The following ZNF23 variants were observed in gnomAD, a reference collection of about 807,000 sequenced individuals.
ZNF23 encodes zinc finger protein 23, also known as kruppel-like zinc finger factor X31.
A neutral mutation model predicts 56.2 loss-of-function variants in ZNF23; 48 were observed. The ratio of observed to expected loss-of-function variants is 0.85; its 90% CI spans 0.68 to 1.09. The LOEUF is 1.09. ZNF23 is among the 50% of genes least tolerant of loss of function. ZNF23 has a pLI of 0.00. For synonymous variants in ZNF23, 266 were observed against 283.3 expected (o/e 0.94, Z 0.61); for missense variants, 805 against 811.4 (o/e 0.99, Z 0.10).
rs1179397770 is a variant in ZNF23 at position 71,448,162 on chromosome 16, A to C, written c.1992T>G (p.Cys664Trp). The change falls in exon 5 of 5, where the codon TGT (cysteine) becomes TGG (tryptophan). Residue 664 changes from cysteine to tryptophan, a missense_variant. Cys to Trp is a radical substitution (Grantham distance 215). Coordinates refer to ENST00000647773, the MANE Select transcript of ZNF23 (RefSeq NM_001381984.1). ...TWKKPYMCSVCGKAFRFSFQL... is the reference protein window; with the variant it reads ...TWKKPYMCSVWGKAFRFSFQL... ...GGAAGCTAAACCTGAATGCTTTCCC[A>C]CACACACTACACATATAGGGTTTCT... is the stretch of plus-strand genomic sequence containing the variant. 1.3e-5 allele frequency: 21 copies of C among 1,614,028 alleles called. No homozygotes were observed. Among genetic ancestry groups the C allele is most frequent in the Non-Finnish European group, 1.8e-5 (21 of 1,180,004 alleles).
chr16:71,460,686 C>T (rs2043412035), intron 1 of ZNF23, among the ~76,000 whole-genome samples: 1 of 152,090 alleles, frequency 6.6e-6, no homozygotes, highest in Non-Finnish European at 1.5e-5. Flanking sequence ...AGGATTATCC[C>T]ACGAAGATAC....
chr16:71,450,643 C>T (rs756565796), intron 4 of ZNF23: 28 of 428,220 alleles, frequency 6.5e-5, no homozygotes, highest in Admixed American at 3.5e-4. Flanking sequence ...TGCTCGAACC[C>T]GGGAAACGGA....
chr16:71,449,709 T>G lies in ZNF23; in HGVS notation c.445A>C (p.Ile149Leu). The G allele has an allele frequency of 6.2e-7, 1 of 1,613,990 alleles. No individual in the cohort carries two copies. Among genetic ancestry groups the G allele is most frequent in the Non-Finnish European group, 8.5e-7 (1 of 1,180,028 alleles). ...GNIKKEKSNT[I>L]DGTVKDETSP... ...GTCTCATCTTTCACTGTTCCATCAA[T>G]GGTGTTGCTCTTCTCCTTCTTTATA... Residue 149 changes from isoleucine to leucine, a missense_variant, in exon 5 of 5, where the codon ATT becomes CTT. Ile to Leu is a conservative substitution (Grantham distance 5). Transcript: ENST00000647773.
rs766469296 is a variant in ZNF23, at chr16:71,453,294, CCAGCTCACT to C, written c.208_216del (p.Ser70_Leu72del). On this transcript the variant is annotated inframe_deletion, in exon 4 of 5. Coordinates refer to ENST00000647773, the MANE Select transcript of ZNF23 (RefSeq NM_001381984.1). ...CCTGCAGCCAGTGGAGATGAGCCCC[CCAGCTCACT>C]TCCTCCCTCCAGTTGTGAGATCACA... The C allele has an allele frequency of 1.2e-5, 19 of 1,608,972 alleles. No homozygotes were observed. The highest frequency in any genetic ancestry group is 1.6e-5 in the Non-Finnish European group (19 of 1,177,522).
At chr16:71,458,688 T>G (rs1173843022) in intron 1 of ZNF23, among the ~76,000 whole-genome samples, 7 of 152,130 alleles carry the variant, frequency 4.6e-5, no homozygotes, top group Admixed American at 2.0e-4. Context: ...ACGAAACCAC[T>G]CACTCCCCGC....
chr16:71,456,890 C>G (rs898489594), intron 1 of ZNF23, 62 bp from the exon 2 acceptor site: 65 of 662,464 alleles, frequency 9.8e-5, no homozygotes, highest in Non-Finnish European at 1.2e-4. Flanking sequence ...AGCAACATAG[C>G]CCCTCACAGA....
chr16:71,453,261 G>A lies in ZNF23; in HGVS notation c.250C>T (p.Leu84Phe), dbSNP rs1193717794. Residue 84 changes from leucine (L) to phenylalanine (F), a missense_variant, in exon 4 of 5, where the codon CTC (leucine) becomes TTC (phenylalanine). Physicochemically the swap from Leu to Phe is conservative, Grantham distance 22 (BLOSUM62 0). Transcript: ENST00000647773. ...GSSPLAAGTG[L>F]QGLQTVDIQT... ...CCCTTACCAGTCTGGAGGCCCTGGAGGCCTGTTCCTGCAGCCAGTGGAGAT... is the reference window on the plus strand; with the variant it reads ...CCCTTACCAGTCTGGAGGCCCTGGAAGCCTGTTCCTGCAGCCAGTGGAGAT... 1.6e-5 allele frequency: 26 copies of A among 1,608,230 alleles called. No homozygotes were observed. The highest frequency in any genetic ancestry group is 2.1e-5 in the Non-Finnish European group (25 of 1,177,050).
In ZNF23 at chr16:71,447,977, C is replaced by G. The variant is rs1002245636; in HGVS notation, c.*116G>C. ...AAACTGAATAGAATAAAAACTGTTTCCATATGAAGACTCTGCCATATTCAT... is the reference window on the plus strand; with the variant it reads ...AAACTGAATAGAATAAAAACTGTTTGCATATGAAGACTCTGCCATATTCAT... On this transcript the variant is annotated 3_prime_UTR_variant, in exon 5 of 5. Coordinates refer to ENST00000647773, the MANE Select transcript of ZNF23 (RefSeq NM_001381984.1). 3 of 733,414 alleles carry G rather than the reference C, an allele frequency of 4.1e-6. No homozygotes were observed. Among genetic ancestry groups the G allele is most frequent in the Non-Finnish European group, 6.3e-6 (3 of 477,110 alleles). The allele number at this position is 733,414 out of a possible 1,614,324, so 45.4% of individuals were successfully genotyped here. A position where few individuals can be genotyped will look rare whatever the true frequency, so the allele number is the denominator to read the frequency against.
chr16:71,452,379 T>A (rs2043086666), intron 4 of ZNF23: 1 of 149,468 alleles, frequency 6.7e-6, no homozygotes. Flanking sequence ...ATATAAGAAA[T>A]AACGGGGGGC....
At position 71,448,477 on chromosome 16, in the gene ZNF23, A is replaced by T; in HGVS notation, c.1677T>A (p.Asn559Lys). ...CKECGKAFSI[N>K]AKLTRHQRIH... is the part of the protein sequence containing the mutation. ...TCCTCTGATGCCTAGTTAGTTTGGC[A>T]TTGATACTGAAGGCTTTCCCACATT... The change falls in exon 5 of 5, where the codon AAT (asparagine) becomes AAA (lysine). Residue 559 changes from asparagine (N) to lysine (K), a missense_variant. Transcript: ENST00000647773. 1 of 1,614,220 alleles carries T rather than the reference A, an allele frequency of 6.2e-7. No individual in the cohort carries two copies. Among genetic ancestry groups the T allele is most frequent in the Non-Finnish European group, 8.5e-7 (1 of 1,180,032 alleles).
Position 71,448,165 on chromosome 16 carries a change from C to CA in ZNF23, c.1988dup (p.Cys664ValfsTer8). On this transcript the variant is annotated frameshift_variant, in exon 5 of 5. Transcript: ENST00000647773. LOFTEE classifies it high-confidence loss of function. ...AGCTAAACCTGAATGCTTTCCCACACACACTACACATATAGGGTTTCTTCC... is the reference window on the plus strand; with the variant it reads ...AGCTAAACCTGAATGCTTTCCCACACAACACTACACATATAGGGTTTCTTCC... 1 of 1,614,184 alleles carries CA rather than the reference C, an allele frequency of 6.2e-7. No individual in the cohort carries two copies. Among genetic ancestry groups the CA allele is most frequent in the Non-Finnish European group, 8.5e-7 (1 of 1,180,018 alleles).
At chr16:71,453,031 G>C (rs563017511) in intron 4 of ZNF23, among the ~76,000 whole-genome samples, 1 of 151,982 alleles carries the variant, frequency 6.6e-6, no homozygotes, top group Non-Finnish European at 1.5e-5. Context: ...CAGAATGAAG[G>C]GTTTGAAAAA....
At chr16:71,456,622 C>A in intron 2 of ZNF23, 142 bp downstream of exon 2, 1 of 884,372 alleles carries the variant, frequency 1.1e-6, no homozygotes, top group East Asian at 1.2e-4. Flanking sequence ...CTCTGCCGCC[C>A]TCCCTGCACA....
chr16:71,449,268 G>A lies in ZNF23; in HGVS notation c.886C>T (p.Gln296Ter). Residue 296 changes from glutamine to a stop codon, truncating the protein, a stop_gained, in exon 5 of 5, where the codon CAG becomes TAG. Transcript: ENST00000647773. LOFTEE classifies it high-confidence loss of function. ...AAGGCCTTCCCACACATCTTACACT[G>A]ATAGGGCTTCTCCCCACTGTGGATT... ...QTIHSGEKPY[Q>*]CKMCGKAFSV... 1 of 1,614,084 alleles carries A rather than the reference G, an allele frequency of 6.2e-7. No homozygotes were observed. Among genetic ancestry groups the A allele is most frequent in the Non-Finnish European group, 8.5e-7 (1 of 1,179,996 alleles).
chr16:71,449,254 A>C lies in ZNF23; in HGVS notation c.900T>G (p.Cys300Trp). The change falls in exon 5 of 5, where the codon TGT becomes TGG. Residue 300 changes from cysteine (C) to tryptophan (W), a missense_variant. Physicochemically the swap from Cys to Trp is radical, Grantham distance 215 (BLOSUM62 -2). Coordinates refer to ENST00000647773, the MANE Select transcript of ZNF23 (RefSeq NM_001381984.1). ...TTCCATTAACACTGAAGGCCTTCCC[A>C]CACATCTTACACTGATAGGGCTTCT... ...SGEKPYQCKM[C>W]GKAFSVNGSL... 1.2e-6 allele frequency: 2 copies of C among 1,614,178 alleles called. No homozygotes were observed. Among genetic ancestry groups the C allele is most frequent in the Non-Finnish European group, 1.7e-6 (2 of 1,180,016 alleles).
intron 4 of ZNF23, chr16:71,451,993 C>G (rs1193727802): frequency 6.6e-6 from 1 of 152,262 alleles, no homozygotes; most frequent in Non-Finnish European, 1.5e-5. Context: ...TGCCATGGGC[C>G]TCATGCCCTT....
chr16:71,460,022 AC>A (rs2043383904), intron 1 of ZNF23, among the ~76,000 whole-genome samples: 1 of 152,188 alleles, frequency 6.6e-6, no homozygotes, highest in Non-Finnish European at 1.5e-5. Context: ...AACCTTGAAG[AC>A]CGGGCAGTGA....
Position 71,449,483 on chromosome 16 carries a change from G to C in ZNF23, c.671C>G (p.Ser224Cys). 3.7e-6 allele frequency: 6 copies of C among 1,614,146 alleles called. No individual in the cohort carries two copies. The highest frequency in any genetic ancestry group is 5.1e-6 in the Non-Finnish European group (6 of 1,180,034). Reference sequence around the variant, plus strand: ...GTTCTCTTGATGTTGAATAAGTTGAGAGTCACACCTAAAGGGCTCTACTAA... The same window carrying C: ...GTTCTCTTGATGTTGAATAAGTTGACAGTCACACCTAAAGGGCTCTACTAA... The part of the protein sequence containing the change: ...EELVEPFRCD[S>C]QLIQHQENNT... The change falls in exon 5 of 5, where the codon TCT becomes TGT. Residue 224 changes from serine to cysteine, a missense_variant. Physicochemically the swap from Ser to Cys is moderately radical, Grantham distance 112. Transcript: ENST00000647773.
intron 2 of ZNF23, 179 bp from the exon 3 acceptor site, chr16:71,454,347 A>G: frequency 8.9e-6 from 7 of 789,180 alleles, no homozygotes; most frequent in Non-Finnish European, 9.3e-6. Context: ...AAGTATCCAC[A>G]TTCTCCCACA....
Sources: gnomAD v4.1 joint callset for allele counts (sites outside exome capture counted in the v4.1 genomes callset) on GRCh38, gnomAD v4.1.1 for gene constraint, MANE v1.5 for transcripts, NCBI Gene and HGNC (gene_info 2026-07-23, HGNC 2026-07-21) for gene names.